Variants in MRPS10 observed in about 807,000 individuals in gnomAD.
The protein encoded by MRPS10 is small ribosomal subunit protein uS10m.
MRPS10 carries 23 observed loss-of-function variants against 27.5 expected under a neutral mutation model. The observed-to-expected ratio is 0.84, with a 90% CI of 0.60 to 1.18. The LOEUF (loss-of-function observed/expected upper bound fraction) is 1.18. MRPS10 is among the 50% of genes most tolerant of loss of function. MRPS10 has a pLI of 0.00. For missense variants in MRPS10, 237 were observed against 240.1 expected (o/e 0.99, Z 0.09); for synonymous variants, 88 against 84.2 (o/e 1.04, Z -0.25).
chr6:42,211,310 AG>A (rs1307507166), intron 4 of MRPS10, among the ~76,000 whole-genome samples: 3 of 152,350 alleles, frequency 2.0e-5, no homozygotes, highest in Non-Finnish European at 4.4e-5. Context: ...GAAACATGGC[AG>A]GAAGGCATGA....
intron 3 of MRPS10, among the ~76,000 whole-genome samples, chr6:42,212,209 A>G (rs1768800621): frequency 6.6e-6 from 1 of 152,222 alleles, no homozygotes; most frequent in Admixed American, 6.5e-5. Flanking sequence ...CAAATTCACA[A>G]TGAAAAAGGA....
At position 42,208,339 on chromosome 6, in the gene MRPS10, C is replaced by T. The variant is rs1768670097; in HGVS notation, c.556G>A (p.Glu186Lys). 1.9e-6 allele frequency: 3 copies of T among 1,612,628 alleles called. No homozygotes were observed. The South Asian group carries it at 3.3e-5, about 18-fold the overall frequency. The change falls in exon 7 of 7, where the codon GAG becomes AAG. Residue 186 changes from glutamate to lysine, a missense_variant. This residue lies in a region of MRPS10 where 62 missense variants were observed against 68.2 expected (regional missense o/e 0.91). Coordinates refer to ENST00000053468, the MANE Select transcript of MRPS10 (RefSeq NM_018141.4). ...QLEQLPEHIK[E>K]PIWETLSEEK... ...TCTGATAGTGTTTCCCAGATTGGCTCCTTGATGTGTTCTGGTAACTGTTCT... is the reference window on the plus strand; with the variant it reads ...TCTGATAGTGTTTCCCAGATTGGCTTCTTGATGTGTTCTGGTAACTGTTCT...
chr6:42,210,691 T>C, intron 4 of MRPS10, 95 bp from the exon 5 acceptor site: 1 of 1,490,732 alleles, frequency 6.7e-7, no homozygotes, highest in Non-Finnish European at 9.0e-7. Flanking sequence ...ATTATAGGCA[T>C]TAACTACCAT....
Position 42,207,907 on chromosome 6 carries a change from G to A in MRPS10, c.*382C>T, listed in dbSNP as rs1463070565. ...TGAATTAACCAAAGATTCCTTCTAG[G>A]AATCTTAAAAAAAAATAAGGGTACG... On this transcript the variant is annotated 3_prime_UTR_variant, in exon 7 of 7. Transcript: ENST00000053468. 1 of 178,420 alleles carries A rather than the reference G, an allele frequency of 5.6e-6. No homozygotes were observed. Among genetic ancestry groups the A allele is most frequent in the East Asian group, 1.8e-4 (1 of 5,570 alleles). 11.1% of individuals were successfully genotyped at this position (178,420 alleles called of 1,614,324 possible).
chr6:42,214,517 T>TA (rs925296568), intron 1 of MRPS10, among the ~76,000 whole-genome samples, 173 bp from the exon 2 acceptor site: 156 of 145,246 alleles, frequency 1.1e-3, no homozygotes, highest in East Asian at 3.6e-3. Flanking sequence ...GAGCTGATGA[T>TA]AAAAAAAAAA....
intron 5 of MRPS10, among the ~76,000 whole-genome samples, chr6:42,209,642 C>G (rs36172049): frequency 0.55 from 82,630 of 150,362 alleles, 24,415 homozygotes; most frequent in East Asian, 0.83. Context: ...CAGCTACTAG[C>G]GAGGCTGAGA....
In MRPS10 at chr6:42,208,079, T is replaced by C. The variant is rs1480293868; in HGVS notation, c.*210A>G. ...AGTGGTTTGCTCATGTTTGCTGAAA[T>C]CAGAACTGAAACAATGAATAAAAAG... On this transcript the variant is annotated 3_prime_UTR_variant, in exon 7 of 7. Coordinates refer to ENST00000053468, the MANE Select transcript of MRPS10 (RefSeq NM_018141.4). The C allele has an allele frequency of 2.0e-5, 11 of 550,694 alleles. No individual in the cohort carries two copies. Among genetic ancestry groups the C allele is most frequent in the Non-Finnish European group, 1.6e-5 (5 of 315,884 alleles). The allele number at this position is 550,694 out of a possible 1,614,324, so 34.1% of individuals were successfully genotyped here.
chr6:42,216,359 TGA>T lies in MRPS10; in HGVS notation c.48+1441_48+1442del, dbSNP rs373981686. On this transcript the variant is annotated intron_variant, in intron 1 of 6. Transcript: ENST00000053468. ...AATTGCATTTTTTCTTTGTATTTCTTGAGAGAGAGAGAGAGAGAGAGAGAGAG... is the reference window on the plus strand; with the variant it reads ...AATTGCATTTTTTCTTTGTATTTCTTGAGAGAGAGAGAGAGAGAGAGAGAG... Among the ~76,000 whole-genome samples the T allele has an allele frequency of 1.7e-3, 98 of 58,214 alleles. 1 individual carries two copies. Among genetic ancestry groups the T allele is most frequent in the African/African-American group, 3.3e-3 (73 of 22,188 alleles). The allele number at this position is 58,214 out of a possible 152,430, so 38.2% of individuals were successfully genotyped here. A position where few individuals can be genotyped will look rare whatever the true frequency, so the allele number is the denominator to read the frequency against.
At chr6:42,208,484 C>T in intron 6 of MRPS10, 112 bp from the exon 7 acceptor site, 4 of 813,228 alleles carry the variant, frequency 4.9e-6, no homozygotes, top group Admixed American at 2.4e-5. Context: ...TTTTATCCCC[C>T]TAGTCTTTCT....
chr6:42,211,977 T>C, intron 3 of MRPS10, 60 bp from the exon 4 acceptor site: 1 of 1,501,194 alleles, frequency 6.7e-7, no homozygotes, highest in Non-Finnish European at 9.1e-7. Flanking sequence ...CTAGCAAATT[T>C]AAAACATTAG....
chr6:42,216,312 G>A (rs965131986), intron 1 of MRPS10, among the ~76,000 whole-genome samples: 1 of 148,896 alleles, frequency 6.7e-6, no homozygotes, highest in African/African-American at 2.5e-5. Flanking sequence ...GTGAGCCACC[G>A]TGCCCGGCCA....
rs772655733 is a variant in MRPS10, at chr6:42,208,384, A to C, written c.523-12T>G. ...TGTTCTAATTGTGTCTAAAAAAAGA[A>C]AGAAACAAAACTATAATGTGGATTT... On this transcript the variant is annotated splice_polypyrimidine_tract_variant and intron_variant, in intron 6 of 6. Coordinates refer to ENST00000053468, the MANE Select transcript of MRPS10 (RefSeq NM_018141.4). 3.2e-6 allele frequency: 5 copies of C among 1,555,274 alleles called. No individual in the cohort carries two copies. Among genetic ancestry groups the C allele is most frequent in the Non-Finnish European group, 3.5e-6 (4 of 1,136,808 alleles).
At position 42,208,337 on chromosome 6, in the gene MRPS10, C is replaced by T. The variant is rs550757486; in HGVS notation, c.558G>A (p.Glu186=). The change falls in exon 7 of 7, where the codon GAG becomes GAA. Residue 186 remains glutamate, a synonymous_variant. Transcript: ENST00000053468. ...CTTCTGATAGTGTTTCCCAGATTGG[C>T]TCCTTGATGTGTTCTGGTAACTGTT... ...QLEQLPEHIK[E]PIWETLSEEK... 31 of 1,612,672 alleles carry T rather than the reference C, an allele frequency of 1.9e-5. No homozygotes were observed. Among genetic ancestry groups the T allele is most frequent in the Admixed American group, 5.0e-5 (3 of 59,922 alleles).
chr6:42,216,379 A>AGTGT (rs1479117624), intron 1 of MRPS10, among the ~76,000 whole-genome samples: 39 of 33,790 alleles, frequency 1.2e-3, no homozygotes, highest in Middle Eastern at 0.028. Context: ...AGAGAGAGAG[A>AGTGT]GAGAGAGTGT....
At chr6:42,208,999 G>GTTTTTTTTTTTTTTTTTTTTTTTT (rs375700314) in intron 5 of MRPS10, 52 bp from the exon 6 acceptor site, 1 of 1,026,116 alleles carries the variant, frequency 9.7e-7, no homozygotes. Context: ...TTAAAGCACG[G>GTTTTTTTTTTTTTTTTTTTTTTTT]TTTTTTGTTT....
chr6:42,210,572 C>T lies in MRPS10; in HGVS notation c.348G>A (p.Glu116=), dbSNP rs767866880. ...GCACTGATTGGAGAAGAGTAAATCG[C>T]TCTATTTTCCTTGGAGGTTCATGTC... ...IKVHEPPRKI[E]RFTLLQSVHI... is the part of the protein sequence containing the mutation. The change falls in exon 5 of 7, where the codon GAG becomes GAA. Residue 116 remains glutamate, a synonymous_variant. Coordinates refer to ENST00000053468, the MANE Select transcript of MRPS10 (RefSeq NM_018141.4). 4 of 1,499,912 alleles carry T rather than the reference C, an allele frequency of 2.7e-6. No homozygotes were observed. In the South Asian group the frequency reaches 3.7e-5, roughly 14 times the overall value. The allele number at this position is 1,499,912 out of a possible 1,614,324, so 92.9% of individuals were successfully genotyped here.
intron 3 of MRPS10, among the ~76,000 whole-genome samples, chr6:42,212,393 A>G (rs2113863478): frequency 6.6e-6 from 1 of 152,330 alleles, no homozygotes; most frequent in South Asian, 2.1e-4. Flanking sequence ...TCTAAGAAAA[A>G]AATAAGAAAA....
chr6:42,215,762 T>C (rs1768906972), intron 1 of MRPS10, among the ~76,000 whole-genome samples: 1 of 152,064 alleles, frequency 6.6e-6, no homozygotes, highest in Admixed American at 6.6e-5. Flanking sequence ...TTGTCCTTCC[T>C]CTCCTTACCC....
rs1474572550 is a variant in MRPS10 at position 42,210,735 on chromosome 6, GAAC to G, written c.324-142_324-140del. 3.2e-6 allele frequency: 4 copies of G among 1,240,438 alleles called. No individual in the cohort carries two copies. The Admixed American group carries it at 9.0e-5, about 28-fold the overall frequency. 76.8% of individuals were successfully genotyped at this position (1,240,438 alleles called of 1,614,324 possible). On this transcript the variant is annotated intron_variant, in intron 4 of 6. Transcript: ENST00000053468. Reference sequence around the variant, plus strand: ...TTCCATTTGCCAAAACTGTCATCTGGAACAACAACTGCTATCATAAAACTCAAG... The same window carrying G: ...TTCCATTTGCCAAAACTGTCATCTGGAACAACTGCTATCATAAAACTCAAG...
Sources: gnomAD v4.1 joint callset for allele counts (sites outside exome capture counted in the v4.1 genomes callset) on GRCh38, gnomAD v4.1.1 for gene constraint, gnomAD v4.1.1 regional missense constraint, MANE v1.5 for transcripts, NCBI Gene and HGNC (gene_info 2026-07-23, HGNC 2026-07-21) for gene names.